HDAC8: variants seen among roughly 807,000 people sequenced by gnomAD.
The protein encoded by HDAC8 is histone deacetylase 8, also known as histone deacetylase-like 1.
A neutral mutation model predicts 32.2 loss-of-function variants in HDAC8; 1 was observed. The observed-to-expected ratio is 0.03, with a 90% confidence interval of 0.01 to 0.15. The LOEUF is 0.15. Among genes scored for constraint, HDAC8 ranks in the 10% least tolerant of loss-of-function variants. The pLI is 1.00. For missense variants in HDAC8, 117 were observed against 300.0 expected, an observed-to-expected ratio of 0.39 and a Z score of 4.51; for synonymous variants, 108 against 113.9, an observed-to-expected ratio of 0.95 and a Z score of 0.33.
intron 2 of HDAC8, 120 bp downstream of exon 2, chrX:72,571,937 T>A: frequency 1.7e-6 from 1 of 598,308 alleles, no homozygotes; most frequent in Non-Finnish European, 2.5e-6. Context: ...TGTGAATACT[T>A]TCACAGAAAG....
intron 9 of HDAC8, among the ~76,000 whole-genome samples, chrX:72,456,524 C>T (rs2047722655): frequency 9.0e-6 from 1 of 111,624 alleles, no homozygotes; most frequent in East Asian, 2.8e-4. Flanking sequence ...ATAGGCTGGG[C>T]ATGGTGGCTC....
intron 9 of HDAC8, among the ~76,000 whole-genome samples, chrX:72,388,370 G>C (rs2045513022): frequency 9.1e-6 from 1 of 109,909 alleles, no homozygotes; most frequent in Non-Finnish European, 1.9e-5. Context: ...CTCCCTCAGT[G>C]TTCCCTTTAT....
intron 7 of HDAC8, among the ~76,000 whole-genome samples, chrX:72,481,399 G>A (rs1328612802): frequency 1.8e-5 from 2 of 111,746 alleles, no homozygotes; most frequent in Non-Finnish European, 3.8e-5. Flanking sequence ...GAAGATGGAA[G>A]GCTAAATAAT....
intron 4 of HDAC8, among the ~76,000 whole-genome samples, chrX:72,535,299 T>C (rs1428158366): frequency 9.0e-6 from 1 of 111,572 alleles, no homozygotes; most frequent in Admixed American, 9.6e-5. Context: ...AACTGATTGG[T>C]CTGAGGTGAG....
At chrX:72,377,892 C>T (rs1228017454) in intron 9 of HDAC8, among the ~76,000 whole-genome samples, 1 of 110,769 alleles carries the variant, frequency 9.0e-6, no homozygotes, top group Non-Finnish European at 1.9e-5. Context: ...CTCGATTCCT[C>T]CATTACTGCA....
At chrX:72,365,677 G>C (rs782140991) in intron 9 of HDAC8, among the ~76,000 whole-genome samples, 3 of 112,226 alleles carry the variant, frequency 2.7e-5, no homozygotes, top group Non-Finnish European at 3.8e-5. Context: ...AAAGAACAGA[G>C]TACTGGGTCA....
At chrX:72,558,988 A>G (rs782657946) in intron 4 of HDAC8, among the ~76,000 whole-genome samples, 1 of 105,435 alleles carries the variant, frequency 9.5e-6, no homozygotes, top group African/African-American at 3.5e-5. Context: ...CCCCTTTCAC[A>G]ATAGCTGCAG....
At chrX:72,551,186 A>C (rs1270440275) in intron 4 of HDAC8, among the ~76,000 whole-genome samples, 1 of 111,281 alleles carries the variant, frequency 9.0e-6, no homozygotes, top group African/African-American at 3.3e-5. Flanking sequence ...TGATTTTAAA[A>C]GTGGTTCAAA....
At position 72,330,015 on chromosome X, in the gene HDAC8, C is replaced by A; in HGVS notation, c.*39G>T. On this transcript the variant is annotated 3_prime_UTR_variant, in exon 11 of 11. Coordinates refer to ENST00000373573, the MANE Select transcript of HDAC8 (RefSeq NM_018486.3). Reference sequence around the variant, plus strand: ...AAACACGCTGTCTTCATTATAGGCACCACTCCTCAGCTCTGGAAACCTGAT... The same window carrying A: ...AAACACGCTGTCTTCATTATAGGCAACACTCCTCAGCTCTGGAAACCTGAT... 8.6e-7 allele frequency: 1 copy of A among 1,162,107 alleles called. No individual in the cohort carries two copies.
At chrX:72,375,563 G>A (rs1310877745) in intron 9 of HDAC8, among the ~76,000 whole-genome samples, 1 of 108,328 alleles carries the variant, frequency 9.2e-6, no homozygotes, top group Non-Finnish European at 1.9e-5. Flanking sequence ...CAGTCATTGA[G>A]AGACGGGAGG....
At chrX:72,366,747 T>A (rs1360674736) in intron 9 of HDAC8, among the ~76,000 whole-genome samples, 1 of 111,816 alleles carries the variant, frequency 8.9e-6, no homozygotes, top group Non-Finnish European at 1.9e-5. Context: ...TTACTTAACA[T>A]GAGAGATGCA....
rs191573460 is a variant in HDAC8, at chrX:72,468,976, C to A, written c.738-4245G>T. On this transcript the variant is annotated intron_variant, in intron 7 of 10. Transcript: ENST00000373573. ...TTTCAACAATAGTGATGTCCACCTGCACTCTACTTTATTCCTTGTCATAGA... is the reference window on the plus strand; with the variant it reads ...TTTCAACAATAGTGATGTCCACCTGAACTCTACTTTATTCCTTGTCATAGA... Among the ~76,000 whole-genome samples, 16 of 111,602 alleles carry A rather than the reference C, an allele frequency of 1.4e-4. 1 individual carries two copies. Among genetic ancestry groups the A allele is most frequent in the Non-Finnish European group, 9.4e-5 (5 of 53,153 alleles).
chrX:72,414,441 C>A (rs781998852), intron 9 of HDAC8, among the ~76,000 whole-genome samples: 1 of 111,262 alleles, frequency 9.0e-6, no homozygotes, highest in Non-Finnish European at 1.9e-5. Flanking sequence ...ATTGTTAGAG[C>A]GAAATAACTA....
At chrX:72,415,258 G>A (rs909410000) in intron 9 of HDAC8, among the ~76,000 whole-genome samples, 1 of 111,843 alleles carries the variant, frequency 8.9e-6, no homozygotes, top group Non-Finnish European at 1.9e-5. Context: ...TATTTGTGTG[G>A]GTCTATTTCT....
chrX:72,508,056 A>G (rs1226776046), intron 4 of HDAC8, among the ~76,000 whole-genome samples: 1 of 112,300 alleles, frequency 8.9e-6, no homozygotes, highest in Non-Finnish European at 1.9e-5. Flanking sequence ...TCTGTTCAAC[A>G]GTTTGTTACT....
chrX:72,432,404 C>A (rs1034109626), intron 9 of HDAC8, among the ~76,000 whole-genome samples: 1 of 111,007 alleles, frequency 9.0e-6, no homozygotes, highest in Non-Finnish European at 1.9e-5. Context: ...GGTCTGGTCC[C>A]GGCCCATTCC....
chrX:72,434,778 T>C (rs2046907263), intron 9 of HDAC8, among the ~76,000 whole-genome samples: 1 of 111,925 alleles, frequency 8.9e-6, no homozygotes, highest in African/African-American at 3.2e-5. Flanking sequence ...GTGCTTACTA[T>C]ATGTCAGCCA....
chrX:72,396,090 C>A (rs1222618388), intron 9 of HDAC8, among the ~76,000 whole-genome samples: 1 of 111,872 alleles, frequency 8.9e-6, no homozygotes, highest in Non-Finnish European at 1.9e-5. Context: ...CAAGGTCACA[C>A]GAGCTAGTAG....
chrX:72,464,581 C>T lies in HDAC8; in HGVS notation c.888G>A (p.Leu296=), dbSNP rs1555993111. Residue 296 remains leucine (L), a synonymous_variant, in exon 8 of 11, where the codon TTG becomes TTA. Coordinates refer to ENST00000373573, the MANE Select transcript of HDAC8 (RefSeq NM_018486.3). The stretch of plus-strand genomic sequence containing the variant: ...CACCTCCTCCCAAAATGAGTGTTGC[C>T]AACTGCCATTGAAGGATGTACTTAA... The part of the protein sequence containing the change: ...KCLKYILQWQ[L]ATLILGGGGY... 8.3e-7 allele frequency: 1 copy of T among 1,209,533 alleles called. No homozygotes were observed. The highest frequency in any genetic ancestry group is 1.8e-5 in the South Asian group (1 of 56,927).
Sources: allele counts gnomAD v4.1 joint callset (sites outside exome capture counted in the v4.1 genomes callset), GRCh38; gene constraint gnomAD v4.1.1; transcripts MANE v1.5; gene names NCBI Gene and HGNC (gene_info 2026-07-23, HGNC 2026-07-21).